Variants in RABL6 observed in about 807,000 individuals in gnomAD.
The protein encoded by RABL6 is rab-like protein 6.
Under a neutral mutation model 72.9 loss-of-function variants are expected in RABL6, and 28 were observed. That is an observed-to-expected ratio of 0.38 (90% CI 0.28 to 0.53). The LOEUF (loss-of-function observed/expected upper bound fraction) is 0.53, where lower values mean the gene tolerates loss of function less well. Ranked by LOEUF, RABL6 falls within the 20% of genes least tolerant of loss-of-function variation. RABL6 has a pLI of 0.80. For synonymous variants in RABL6, 477 were observed against 421.2 expected, an observed-to-expected ratio of 1.13 and a Z score of -1.62; for missense variants, 1,029 against 1,008.4, an observed-to-expected ratio of 1.02 and a Z score of -0.28.
At chr9:136,833,575 C>G in intron 7 of RABL6, 1 of 1,124,578 alleles carries the variant, frequency 8.9e-7, no homozygotes, top group South Asian at 1.6e-5. Flanking sequence ...GCTGCCCCAG[C>G]TGGGTCTGGG....
intron 1 of RABL6, chr9:136,815,477 TG>T (rs1564359393): frequency 7.4e-6 from 2 of 269,278 alleles, no homozygotes; most frequent in Non-Finnish European, 7.2e-6. Context: ...CTGCCTCCTT[TG>T]GGGGAGCAGC....
chr9:136,838,120 C>T (rs1357061410), intron 10 of RABL6, 105 bp downstream of exon 10: 60 of 1,364,930 alleles, frequency 4.4e-5, no homozygotes, highest in Admixed American at 3.7e-4. Context: ...GGCCCCCCGC[C>T]GGCTGGTCAC....
chr9:136,839,845 C>T lies in RABL6; in HGVS notation c.1910C>T (p.Pro637Leu). The T allele has an allele frequency of 1.2e-6, 2 of 1,612,352 alleles. No homozygotes were observed. Among genetic ancestry groups the T allele is most frequent in the South Asian group, 2.2e-5 (2 of 91,040 alleles). ...LFGLGLEEAG[P>L]KESSEEGKEG... The stretch of plus-strand genomic sequence containing the variant: ...GGGCTGGGGCTGGAGGAGGCCGGAC[C>T]CAAGGAGAGCAGTGAGGAAGGTGGG... Residue 637 changes from proline (P) to leucine (L), a missense_variant, in exon 13 of 15, where the codon CCC (proline) becomes CTC (leucine). By Grantham distance (98) the Pro-to-Leu change is moderately conservative (BLOSUM62 -3). Around this residue, in one of 2 missense-constraint regions of RABL6, gnomAD observed 595 missense variants for 472.4 expected, o/e 1.26. Coordinates refer to ENST00000311502, the MANE Select transcript of RABL6 (RefSeq NM_024718.5).
chr9:136,816,647 G>T (rs1848124343), intron 1 of RABL6, among the ~76,000 whole-genome samples: 1 of 151,168 alleles, frequency 6.6e-6, no homozygotes, highest in Non-Finnish European at 1.5e-5. Context: ...AGCCTGGGAG[G>T]TGGAGGTTGC....
intron 1 of RABL6, among the ~76,000 whole-genome samples, chr9:136,817,380 A>G (rs1297925375): frequency 6.6e-6 from 1 of 152,218 alleles, no homozygotes; most frequent in Non-Finnish European, 1.5e-5. Flanking sequence ...ATCATTGGAA[A>G]TTTTCAAAAC....
At chr9:136,828,194 C>T (rs1016097235) in intron 3 of RABL6, 5 of 329,394 alleles carry the variant, frequency 1.5e-5, no homozygotes, top group African/African-American at 1.1e-4. Flanking sequence ...AGCAAACCCT[C>T]CTGGTGTAGG....
chr9:136,837,429 A>G lies in RABL6; in HGVS notation c.893A>G (p.Gln298Arg). Reference protein sequence around the residue: ...ANGQSPSPGSQSPVVPAGAVS... With the variant: ...ANGQSPSPGSRSPVVPAGAVS... ...GGGCAGAGCCCATCCCCGGGCTCCC[A>G]GTCACCAGTGGTGCCTGCAGGCGCT... The change falls in exon 9 of 15, where the codon CAG becomes CGG. Residue 298 changes from glutamine to arginine, a missense_variant. Physicochemically the swap from Gln to Arg is conservative, Grantham distance 43. Around this residue, in one of 2 missense-constraint regions of RABL6, gnomAD observed 434 missense variants for 536.1 expected, o/e 0.81. Coordinates refer to ENST00000311502, the MANE Select transcript of RABL6 (RefSeq NM_024718.5). 5 of 1,581,372 alleles carry G rather than the reference A, an allele frequency of 3.2e-6. No homozygotes were observed. The highest frequency in any genetic ancestry group is 4.3e-6 in the Non-Finnish European group (5 of 1,165,524).
chr9:136,831,607 T>G, intron 5 of RABL6, 114 bp from the exon 6 acceptor site: 6 of 1,438,456 alleles, frequency 4.2e-6, no homozygotes, highest in Non-Finnish European at 4.8e-6. Flanking sequence ...CTGGGTTGGA[T>G]GTTGGAAATG....
chr9:136,825,562 G>A (rs1258080008), intron 2 of RABL6, among the ~76,000 whole-genome samples: 2 of 152,176 alleles, frequency 1.3e-5, no homozygotes, highest in Non-Finnish European at 2.9e-5. Flanking sequence ...GGGAGATACC[G>A]TGCATTCAGT....
At chr9:136,815,360 T>C in intron 1 of RABL6, 1 of 277,430 alleles carries the variant, frequency 3.6e-6, no homozygotes, top group South Asian at 4.0e-5. Context: ...CCTTCTTGGC[T>C]GGGGTTGCAG....
In RABL6 at chr9:136,837,411, G is replaced by C. The variant is rs1178133679; in HGVS notation, c.875G>C (p.Ser292Thr). Reference sequence around the variant, plus strand: ...TCCCCACTGGCGGCCAACGGGCAGAGCCCATCCCCGGGCTCCCAGTCACCA... The same window carrying C: ...TCCCCACTGGCGGCCAACGGGCAGACCCCATCCCCGGGCTCCCAGTCACCA... ...HASPLAANGQ[S>T]PSPGSQSPVV... The change falls in exon 9 of 15, where the codon AGC (serine) becomes ACC (threonine). Residue 292 changes from serine (S) to threonine (T), a missense_variant. Physicochemically the swap from Ser to Thr is moderately conservative, Grantham distance 58. Around this residue, in one of 2 missense-constraint regions of RABL6, gnomAD observed 434 missense variants for 536.1 expected, o/e 0.81. Transcript: ENST00000311502. 3.8e-6 allele frequency: 6 copies of C among 1,589,520 alleles called. No homozygotes were observed. Among genetic ancestry groups the C allele is most frequent in the Non-Finnish European group, 5.1e-6 (6 of 1,169,314 alleles).
At chr9:136,834,985 G>A (rs1350195350) in intron 7 of RABL6, among the ~76,000 whole-genome samples, 16 of 149,646 alleles carry the variant, frequency 1.1e-4, no homozygotes, top group African/African-American at 3.9e-4. Flanking sequence ...AAAAAAAAAG[G>A]AGAGGCCAGG....
Position 136,839,354 on chromosome 9 carries a change from G to A in RABL6, c.1626G>A (p.Met542Ile), listed in dbSNP as rs775276905. 11 of 1,612,756 alleles carry A rather than the reference G, an allele frequency of 6.8e-6. No individual in the cohort carries two copies. Among genetic ancestry groups the A allele is most frequent in the African/African-American group, 2.7e-5 (2 of 75,074 alleles). ...GCAGCACCAGGCCCCCTGCTGAGAT[G>A]GAGCCGGGGAAGGGTGAGCAGGCCT... ...KRSSTRPPAEMEPGKGEQASS... is the reference protein window; with the variant it reads ...KRSSTRPPAEIEPGKGEQASS... Residue 542 changes from methionine to isoleucine, a missense_variant, in exon 12 of 15, where the codon ATG becomes ATA. Met to Ile is a conservative substitution (Grantham distance 10, BLOSUM62 1). Transcript: ENST00000311502.
chr9:136,831,813 G>A lies in RABL6; in HGVS notation c.551G>A (p.Arg184Gln), dbSNP rs567363845. Residue 184 changes from arginine (R) to glutamine (Q), a missense_variant, in exon 6 of 15, where the codon CGA (arginine) becomes CAA (glutamine). Physicochemically the swap from Arg to Gln is conservative, Grantham distance 43 (BLOSUM62 1). Around this residue, in one of 2 missense-constraint regions of RABL6, gnomAD observed 434 missense variants for 536.1 expected, o/e 0.81. Transcript: ENST00000311502. Reference protein sequence around the residue: ...LGNYRDMGEHRVILPDDVRDF... With the variant: ...LGNYRDMGEHQVILPDDVRDF... ...AACTACCGGGACATGGGCGAGCACC[G>A]AGTCATCCTGCCGGACGACGTGCGT... The A allele has an allele frequency of 1.5e-5, 25 of 1,613,138 alleles. No individual in the cohort carries two copies. Among genetic ancestry groups the A allele is most frequent in the East Asian group, 2.2e-5 (1 of 44,878 alleles).
chr9:136,834,182 T>C (rs1208036799), intron 7 of RABL6: 2 of 1,260,394 alleles, frequency 1.6e-6, no homozygotes, highest in African/African-American at 3.0e-5. Flanking sequence ...CTTCTTTATG[T>C]CACCTAAAAA....
intron 1 of RABL6, chr9:136,814,366 G>A (rs1848073978): frequency 6.2e-6 from 1 of 161,542 alleles, no homozygotes; most frequent in African/African-American, 2.4e-5. Context: ...ATTTTTAGTA[G>A]AGACAGGGTT....
chr9:136,841,152 TC>T lies in RABL6; in HGVS notation c.*632del. 1 of 875,954 alleles carries T rather than the reference TC, an allele frequency of 1.1e-6. No individual in the cohort carries two copies. The highest frequency in any genetic ancestry group is 1.6e-6 in the Non-Finnish European group (1 of 621,540). 54.3% of individuals were successfully genotyped at this position (875,954 alleles called of 1,614,324 possible). On this transcript the variant is annotated 3_prime_UTR_variant, in exon 15 of 15. Coordinates refer to ENST00000311502, the MANE Select transcript of RABL6 (RefSeq NM_024718.5). Reference sequence around the variant, plus strand: ...GCCGGGAGGCACTCCTCCCAAACACTCCACTCAGACCATAAAGCACTCCTGT... The same window carrying T: ...GCCGGGAGGCACTCCTCCCAAACACTCACTCAGACCATAAAGCACTCCTGT...
intron 1 of RABL6, chr9:136,814,615 G>T (rs1226097970): frequency 6.6e-6 from 1 of 152,138 alleles, no homozygotes; most frequent in African/African-American, 2.4e-5. Context: ...CCGGGTGGTA[G>T]TGGTACACGC....
At chr9:136,829,212 C>T (rs917431602) in intron 4 of RABL6, among the ~76,000 whole-genome samples, 181 bp from the exon 5 acceptor site, 15 of 152,204 alleles carry the variant, frequency 9.9e-5, no homozygotes, top group Non-Finnish European at 1.6e-4. Flanking sequence ...TGGTGTTGAC[C>T]GTCAGACCCT....
Sources: allele counts gnomAD v4.1 joint callset (sites outside exome capture counted in the v4.1 genomes callset), GRCh38; gene constraint gnomAD v4.1.1; regional missense constraint gnomAD v4.1.1; transcripts MANE v1.5; gene names NCBI Gene and HGNC (gene_info 2026-07-23, HGNC 2026-07-21).